GALNT14: variants seen among roughly 807,000 people sequenced by gnomAD.
The protein encoded by GALNT14 is polypeptide N-acetylgalactosaminyltransferase 14, also known as UDP-GalNAc:polypeptide N-acetylgalactosaminyltransferase 14.
Under a neutral mutation model 77.5 loss-of-function variants are expected in GALNT14, and 60 were observed. The observed-to-expected ratio is 0.77, with a 90% CI of 0.63 to 0.96. The LOEUF is 0.96. Among genes scored for constraint, GALNT14 ranks in the 40% least tolerant of loss-of-function variants. The probability of loss-of-function intolerance (pLI) is 0.00; values close to 1 mark genes in which losing one functional copy is unlikely to be tolerated. For missense variants in GALNT14, 710 were observed against 731.0 expected (o/e 0.97, Z 0.33); for synonymous variants, 280 against 281.7 (o/e 0.99, Z 0.06).
intron 2 of GALNT14, among the ~76,000 whole-genome samples, chr2:30,973,179 G>T (rs1486250129): frequency 6.6e-6 from 1 of 152,152 alleles, no homozygotes; most frequent in African/African-American, 2.4e-5. Flanking sequence ...AACTTCCTGG[G>T]AGAGAGCTCT....
At chr2:30,985,459 G>T (rs922386843) in intron 2 of GALNT14, among the ~76,000 whole-genome samples, 1 of 152,132 alleles carries the variant, frequency 6.6e-6, no homozygotes, top group Non-Finnish European at 1.5e-5. Context: ...GCTTTGCTAC[G>T]TGGCCAAGAC....
At chr2:30,994,294 T>C (rs1669890115) in intron 1 of GALNT14, among the ~76,000 whole-genome samples, 2 of 152,150 alleles carry the variant, frequency 1.3e-5, no homozygotes, top group African/African-American at 4.8e-5. Context: ...ATCCCATTAC[T>C]GAGTAGAATG....
At chr2:31,000,435 C>CTGTGTGTGTGTGTGTGTGTG (rs3223043) in intron 1 of GALNT14, among the ~76,000 whole-genome samples, 1 of 145,974 alleles carries the variant, frequency 6.9e-6, no homozygotes, top group African/African-American at 2.5e-5. Flanking sequence ...ATATCACCAA[C>CTGTGTGTGTGTGTGTGTGTG]TGTGTGTGTG....
At chr2:31,084,160 C>A (rs1350876706) in intron 1 of GALNT14, among the ~76,000 whole-genome samples, 1 of 152,162 alleles carries the variant, frequency 6.6e-6, no homozygotes, top group Admixed American at 6.5e-5. Flanking sequence ...ATACTTCCTC[C>A]AATTTTATCC....
chr2:30,914,647 C>T (rs1395889858), intron 13 of GALNT14, among the ~76,000 whole-genome samples: 6 of 152,186 alleles, frequency 3.9e-5, no homozygotes, highest in Non-Finnish European at 8.8e-5. Context: ...TAGCCTGAGC[C>T]GCCCCGCCTT....
At chr2:31,096,098 C>G (rs762037127) in intron 1 of GALNT14, among the ~76,000 whole-genome samples, 2 of 152,112 alleles carry the variant, frequency 1.3e-5, no homozygotes, top group African/African-American at 4.8e-5. Context: ...AACAATGGAT[C>G]GAGTCACTCT....
At chr2:30,926,005 T>C (rs1488508094) in intron 11 of GALNT14, among the ~76,000 whole-genome samples, 2 of 152,136 alleles carry the variant, frequency 1.3e-5, no homozygotes, top group Admixed American at 6.5e-5. Flanking sequence ...TCCATGTCTT[T>C]TTCTTCCTGG....
chr2:31,008,230 A>G (rs1163640298), intron 1 of GALNT14, among the ~76,000 whole-genome samples: 1 of 152,104 alleles, frequency 6.6e-6, no homozygotes, highest in Non-Finnish European at 1.5e-5. Flanking sequence ...CTGGGACTAC[A>G]GGCACACGAC....
At chr2:31,048,593 C>CGGCCTCCTG (rs1553366915) in intron 1 of GALNT14, among the ~76,000 whole-genome samples, 1 of 108,160 alleles carries the variant, frequency 9.2e-6, no homozygotes, top group Admixed American at 8.7e-5. Context: ...CCTCCCCACC[C>CGGCCTCCTG]CCACTCCTGC....
intron 9 of GALNT14, among the ~76,000 whole-genome samples, chr2:30,936,425 A>G (rs919367160): frequency 5.3e-5 from 8 of 152,218 alleles, no homozygotes; most frequent in African/African-American, 1.9e-4. Flanking sequence ...ACAAAGGCAA[A>G]GAGAATTATT....
chr2:31,079,364 C>T (rs898293953), intron 1 of GALNT14, among the ~76,000 whole-genome samples: 1 of 152,110 alleles, frequency 6.6e-6, no homozygotes, highest in African/African-American at 2.4e-5. Flanking sequence ...GAGTTCTGAG[C>T]TAAGAAATCT....
chr2:31,007,703 A>G (rs1252270460), intron 1 of GALNT14, among the ~76,000 whole-genome samples: 1 of 152,240 alleles, frequency 6.6e-6, no homozygotes, highest in Admixed American at 6.5e-5. Flanking sequence ...TCATTTCACC[A>G]GAGCTGCTTT....
At chr2:31,103,855 A>G (rs1573354314) in intron 1 of GALNT14, among the ~76,000 whole-genome samples, 2 of 152,118 alleles carry the variant, frequency 1.3e-5, no homozygotes, top group South Asian at 2.1e-4. Context: ...AAAATATTCA[A>G]TGCTCACCCT....
At chr2:31,046,951 T>G (rs554970409) in intron 1 of GALNT14, among the ~76,000 whole-genome samples, 1 of 152,260 alleles carries the variant, frequency 6.6e-6, no homozygotes, top group Non-Finnish European at 1.5e-5. Flanking sequence ...CAAAATCTCC[T>G]TTTACAGGTG....
At chr2:30,941,467 G>T (rs1023812147) in intron 9 of GALNT14, among the ~76,000 whole-genome samples, 4 of 152,322 alleles carry the variant, frequency 2.6e-5, no homozygotes. Flanking sequence ...CCAAGAAGTA[G>T]AGCTAGTATC....
intron 1 of GALNT14, among the ~76,000 whole-genome samples, chr2:30,994,839 C>T (rs1669923303): frequency 6.6e-6 from 1 of 152,042 alleles, no homozygotes; most frequent in African/African-American, 2.4e-5. Flanking sequence ...CTGGAAGGCC[C>T]CTGCTCTCGA....
Position 31,130,784 on chromosome 2 carries a change from G to GTGCA in GALNT14, c.129+7173_129+7174insTGCA, listed in dbSNP as rs57066682. Among the ~76,000 whole-genome samples the GTGCA allele has an allele frequency of 4.0e-3, 497 of 125,040 alleles. 14 individuals carry two copies. Among genetic ancestry groups the GTGCA allele is most frequent in the African/African-American group, 0.019 (470 of 24,600 alleles). The allele number at this position is 125,040 out of a possible 152,430, so 82.0% of individuals were successfully genotyped here. On this transcript the variant is annotated intron_variant, in intron 1 of 14. Coordinates refer to ENST00000349752, the MANE Select transcript of GALNT14 (RefSeq NM_024572.4). The stretch of plus-strand genomic sequence containing the variant: ...TGTGTGTGTGTGTGTGTGTGTGTGT[G>GTGCA]CGCGCGCACCTGTGTGTGTGCCTGT...
chr2:30,978,753 T>G (rs1668798664), intron 2 of GALNT14, among the ~76,000 whole-genome samples: 1 of 152,084 alleles, frequency 6.6e-6, no homozygotes, highest in Non-Finnish European at 1.5e-5. Flanking sequence ...TGATGGACAG[T>G]GTGAGTGCCA....
intron 13 of GALNT14, among the ~76,000 whole-genome samples, chr2:30,915,593 T>C (rs1243551644): frequency 6.6e-6 from 1 of 152,156 alleles, no homozygotes; most frequent in Non-Finnish European, 1.5e-5. Context: ...CCATGATGAA[T>C]GAGTTTATTA....
Sources: allele counts gnomAD v4.1 joint callset (sites outside exome capture counted in the v4.1 genomes callset), GRCh38; gene constraint gnomAD v4.1.1; transcripts MANE v1.5; gene names NCBI Gene and HGNC (gene_info 2026-07-23, HGNC 2026-07-21).